Variants in MS4A10 observed in about 807,000 individuals in gnomAD.
MS4A10 encodes the protein membrane-spanning 4-domains subfamily A member 10.
In MS4A10, 27 loss-of-function variants were observed where a neutral mutation model predicts 27.7. The ratio of observed to expected loss-of-function variants is 0.98; its 90% confidence interval spans 0.72 to 1.35. The LOEUF is 1.35. Ranked by LOEUF, MS4A10 falls within the 40% of genes most tolerant of loss-of-function variation. MS4A10 has a pLI of 0.00. For missense variants in MS4A10, 338 were observed against 324.7 expected (o/e 1.04, Z -0.32); for synonymous variants, 139 against 131.2 (o/e 1.06, Z -0.41).
At chr11:60,797,093 T>C (rs1854545045) in intron 6 of MS4A10, among the ~76,000 whole-genome samples, 1 of 152,160 alleles carries the variant, frequency 6.6e-6, no homozygotes, top group Admixed American at 6.5e-5. Context: ...AGAAGGTGTC[T>C]TTGTTAATTC....
In MS4A10 at chr11:60,791,065, CTTGGTATCCA is replaced by C. The variant is rs1565081065; in HGVS notation, c.278_287del (p.Trp93SerfsTer15). 3 of 1,614,022 alleles carry C rather than the reference CTTGGTATCCA, an allele frequency of 1.9e-6. No individual in the cohort carries two copies. The Admixed American group carries it at 5.0e-5, about 27-fold the overall frequency. On this transcript the variant is annotated frameshift_variant, in exon 3 of 8. Transcript: ENST00000308287. LOFTEE classifies it high-confidence loss of function. ...AACCTTCACCTGGTGGTGCTGAAGTCTTGGTATCCATTCTGGGGGGCTGCCTCTGTGAGTA... is the reference window on the plus strand; with the variant it reads ...AACCTTCACCTGGTGGTGCTGAAGTCTTCTGGGGGGCTGCCTCTGTGAGTA...
At chr11:60,791,928 G>T (rs1456430163) in intron 3 of MS4A10, among the ~76,000 whole-genome samples, 3 of 152,212 alleles carry the variant, frequency 2.0e-5, no homozygotes, top group Non-Finnish European at 4.4e-5. Context: ...GGGGTGGAGG[G>T]GATAGTGCCA....
chr11:60,798,880 C>T (rs1166805032), intron 7 of MS4A10, among the ~76,000 whole-genome samples: 1 of 152,218 alleles, frequency 6.6e-6, no homozygotes, highest in East Asian at 1.9e-4. Flanking sequence ...TGCCTGCCTT[C>T]TCTGATCAAT....
intron 1 of MS4A10, among the ~76,000 whole-genome samples, chr11:60,788,422 C>T (rs1169664610): frequency 6.6e-6 from 1 of 152,206 alleles, no homozygotes; most frequent in African/African-American, 2.4e-5. Flanking sequence ...CTAAGAAGTC[C>T]CTCTTCTTCT....
Position 60,801,199 on chromosome 11 carries a change from T to C in MS4A10, c.*1290T>C, listed in dbSNP as rs1854632274. On this transcript the variant is annotated 3_prime_UTR_variant, in exon 8 of 8. Transcript: ENST00000308287. ...GGCTAGCTCTGCCAATCACTTACTGTGCGGGTTTGACTCAGTCCCTTCCCC... is the reference window on the plus strand; with the variant it reads ...GGCTAGCTCTGCCAATCACTTACTGCGCGGGTTTGACTCAGTCCCTTCCCC... 1.3e-5 allele frequency: 2 copies of C among 152,254 alleles called. No homozygotes were observed. The highest frequency in any genetic ancestry group is 2.9e-5 in the Non-Finnish European group (2 of 68,052). The allele number at this position is 152,254 out of a possible 1,614,324, so 9.4% of individuals were successfully genotyped here.
intron 4 of MS4A10, among the ~76,000 whole-genome samples, chr11:60,792,957 C>T (rs1050606609): frequency 1.3e-5 from 2 of 152,210 alleles, no homozygotes; most frequent in Non-Finnish European, 2.9e-5. Context: ...GCAGAATGTG[C>T]CCGAGCATAG....
intron 5 of MS4A10, among the ~76,000 whole-genome samples, 188 bp downstream of exon 5, chr11:60,794,291 G>A (rs1854485418): frequency 6.6e-6 from 1 of 152,232 alleles, no homozygotes; most frequent in Non-Finnish European, 1.5e-5. Context: ...CTGCTGACTG[G>A]TCAGCATCAC....
intron 1 of MS4A10, among the ~76,000 whole-genome samples, chr11:60,787,278 C>G (rs988065289): frequency 6.6e-6 from 1 of 152,136 alleles, no homozygotes; most frequent in African/African-American, 2.4e-5. Flanking sequence ...TGCTGCCTGC[C>G]CCCTCTCTGT....
intron 7 of MS4A10, among the ~76,000 whole-genome samples, chr11:60,798,932 G>T (rs1488344995): frequency 6.6e-6 from 1 of 152,184 alleles, no homozygotes; most frequent in African/African-American, 2.4e-5. Context: ...AGGAAGGAAG[G>T]TCTCCAGAGC....
At position 60,789,757 on chromosome 11, in the gene MS4A10, A is replaced by G. The variant is rs572475171; in HGVS notation, c.-22-557A>G. Reference sequence around the variant, plus strand: ...GTAGAAGGTTTATCTCAGTGCCTGGAGCAGAGAAAGTATTTGTAAATGTTA... The same window carrying G: ...GTAGAAGGTTTATCTCAGTGCCTGGGGCAGAGAAAGTATTTGTAAATGTTA... On this transcript the variant is annotated intron_variant, in intron 1 of 7. Coordinates refer to ENST00000308287, the MANE Select transcript of MS4A10 (RefSeq NM_206893.4). 1.8e-4 allele frequency among the ~76,000 whole-genome samples: 27 copies of G among 152,348 alleles called. No individual in the cohort carries two copies. In the East Asian group the frequency reaches 4.0e-3, roughly 23 times the overall value.
intron 1 of MS4A10, among the ~76,000 whole-genome samples, chr11:60,787,158 G>A (rs953486737): frequency 6.6e-6 from 1 of 152,174 alleles, no homozygotes; most frequent in Admixed American, 6.5e-5. Context: ...TAGTGGCAGT[G>A]GGTTTCCCGT....
chr11:60,798,350 C>A, intron 6 of MS4A10, 46 bp from the exon 7 acceptor site: 2 of 1,416,132 alleles, frequency 1.4e-6, no homozygotes, highest in South Asian at 2.4e-5. Context: ...AGCAGCCAGT[C>A]GCTCCACAGC....
At position 60,801,091 on chromosome 11, in the gene MS4A10, T is replaced by G. The variant is rs942382691; in HGVS notation, c.*1182T>G. 6.6e-6 allele frequency: 1 copy of G among 152,124 alleles called. No homozygotes were observed. The highest frequency in any genetic ancestry group is 1.5e-5 in the Non-Finnish European group (1 of 68,006). 9.4% of individuals were successfully genotyped at this position (152,124 alleles called of 1,614,324 possible). On this transcript the variant is annotated 3_prime_UTR_variant, in exon 8 of 8. Transcript: ENST00000308287. Reference sequence around the variant, plus strand: ...ACAGGCATGAGCCACCACCCCTGGCTGAAACCCAATCTTTCAAAACATGAA... The same window carrying G: ...ACAGGCATGAGCCACCACCCCTGGCGGAAACCCAATCTTTCAAAACATGAA...
chr11:60,799,474 T>G (rs764407891), intron 7 of MS4A10, among the ~76,000 whole-genome samples: 1 of 152,192 alleles, frequency 6.6e-6, no homozygotes, highest in Non-Finnish European at 1.5e-5. Flanking sequence ...TATCTTTCCA[T>G]AAACAGAAGC....
At position 60,791,007 on chromosome 11, in the gene MS4A10, G is replaced by A. The variant is rs1294376509; in HGVS notation, c.217G>A (p.Val73Ile). The stretch of plus-strand genomic sequence containing the variant: ...CATCACCATCGCTCTGCTGCACCTG[G>A]TCTTTGGGGGCTACCTGGCCTCTAT... ...FHITIALLHL[V>I]FGGYLASIVK... is the part of the protein sequence containing the mutation. The change falls in exon 3 of 8, where the codon GTC becomes ATC. Residue 73 changes from valine (V) to isoleucine (I), a missense_variant. Coordinates refer to ENST00000308287, the MANE Select transcript of MS4A10 (RefSeq NM_206893.4). 3 of 1,614,060 alleles carry A rather than the reference G, an allele frequency of 1.9e-6. No individual in the cohort carries two copies. The African/African-American group carries it at 4.0e-5, about 22-fold the overall frequency.
In MS4A10 at chr11:60,794,091, C is replaced by T; in HGVS notation, c.480C>T (p.Tyr160=). ...TTGAGTCCCCGATCTGGAGAATGTA[C>T]CCCAACTCCACGGTGAGTACCCAGG... The part of the protein sequence containing the change: ...SPFESPIWRM[Y]PNSTVHIQRL... The change falls in exon 5 of 8, where the codon TAC becomes TAT. Residue 160 remains tyrosine, a synonymous_variant. Coordinates refer to ENST00000308287, the MANE Select transcript of MS4A10 (RefSeq NM_206893.4). 2.5e-6 allele frequency: 4 copies of T among 1,614,118 alleles called. No homozygotes were observed. Among genetic ancestry groups the T allele is most frequent in the Non-Finnish European group, 3.4e-6 (4 of 1,180,026 alleles).
intron 7 of MS4A10, 135 bp from the exon 8 acceptor site, chr11:60,799,693 A>T (rs1451336975): frequency 1.6e-6 from 1 of 644,178 alleles, no homozygotes; most frequent in Admixed American, 2.2e-5. Flanking sequence ...AGGTATTTGC[A>T]GAGCTCACTC....
At position 60,800,624 on chromosome 11, in the gene MS4A10, C is replaced by G. The variant is rs1454470986; in HGVS notation, c.*715C>G. On this transcript the variant is annotated 3_prime_UTR_variant, in exon 8 of 8. Transcript: ENST00000308287. The stretch of plus-strand genomic sequence containing the variant: ...TCGCTGCCACTTCTGGCTGTGGTCA[C>G]TAGCTTGGCCATAGCACCTCTCTTC... The G allele has an allele frequency of 3.9e-5, 6 of 152,336 alleles. No homozygotes were observed. The highest frequency in any genetic ancestry group is 1.4e-4 in the African/African-American group (6 of 41,456). 9.4% of individuals were successfully genotyped at this position (152,336 alleles called of 1,614,324 possible).
intron 7 of MS4A10, among the ~76,000 whole-genome samples, chr11:60,798,778 G>A (rs527631836): frequency 1.2e-3 from 184 of 152,302 alleles, no homozygotes; most frequent in African/African-American, 4.0e-3. Context: ...GAACCTGGGC[G>A]CAACCAGGAC....
Sources: allele counts gnomAD v4.1 joint callset (sites outside exome capture counted in the v4.1 genomes callset), GRCh38; gene constraint gnomAD v4.1.1; transcripts MANE v1.5; gene names NCBI Gene and HGNC (gene_info 2026-07-23, HGNC 2026-07-21).